SYN3: variants seen among roughly 807,000 people sequenced by gnomAD.
SYN3 encodes the protein synapsin-3.
SYN3 carries 35 observed loss-of-function variants against 65.8 expected under a neutral mutation model. That is an observed-to-expected ratio of 0.53 (90% confidence interval 0.41 to 0.70). The LOEUF (loss-of-function observed/expected upper bound fraction) is 0.70, where lower values mean the gene tolerates loss of function less well. Among genes scored for constraint, SYN3 ranks in the 30% least tolerant of loss-of-function variants. The pLI is 0.00. For synonymous variants in SYN3, 270 were observed against 292.9 expected (o/e 0.92, Z 0.80); for missense variants, 680 against 749.0 (o/e 0.91, Z 1.08).
intron 6 of SYN3, among the ~76,000 whole-genome samples, chr22:32,624,547 C>A (rs1008234568): frequency 1.3e-5 from 2 of 152,256 alleles, no homozygotes; most frequent in African/African-American, 4.8e-5. Context: ...CCATCTAACA[C>A]CTGTAGGGAC....
At chr22:32,632,058 G>A (rs937837453) in intron 6 of SYN3, among the ~76,000 whole-genome samples, 1 of 152,222 alleles carries the variant, frequency 6.6e-6, no homozygotes, top group African/African-American at 2.4e-5. Flanking sequence ...GAAGATAGTG[G>A]CTGCCCTAGA....
At chr22:33,035,420 T>C (rs2053841838) in intron 1 of SYN3, among the ~76,000 whole-genome samples, 2 of 127,576 alleles carry the variant, frequency 1.6e-5, no homozygotes, top group Non-Finnish European at 3.1e-5. Context: ...TCCAAATGAA[T>C]AGCTGTTACA....
At chr22:32,595,366 T>C (rs990681441) in intron 7 of SYN3, among the ~76,000 whole-genome samples, 1 of 152,160 alleles carries the variant, frequency 6.6e-6, no homozygotes, top group African/African-American at 2.4e-5. Context: ...TCTATTTCAT[T>C]TGAACTCCTG....
intron 6 of SYN3, among the ~76,000 whole-genome samples, chr22:32,782,953 G>C (rs1223322737): frequency 6.6e-6 from 1 of 152,228 alleles, no homozygotes; most frequent in African/African-American, 2.4e-5. Context: ...TCTCTATTGA[G>C]AGGAGTTAGT....
At chr22:32,712,134 CTGCCTT>C (rs1253125867) in intron 6 of SYN3, among the ~76,000 whole-genome samples, 1 of 152,184 alleles carries the variant, frequency 6.6e-6, no homozygotes, top group African/African-American at 2.4e-5. Context: ...TCAATTGAGG[CTGCCTT>C]TGTCCTTGGT....
intron 1 of SYN3, among the ~76,000 whole-genome samples, chr22:33,025,074 T>A (rs573887117): frequency 2.0e-5 from 3 of 152,262 alleles, no homozygotes; most frequent in Non-Finnish European, 4.4e-5. Flanking sequence ...GCACAGTGGC[T>A]CATGCCTGTA....
chr22:33,041,045 G>C (rs989714870), intron 1 of SYN3, among the ~76,000 whole-genome samples: 10 of 151,682 alleles, frequency 6.6e-5, no homozygotes, highest in African/African-American at 2.4e-4. Context: ...CTCCCGAGTA[G>C]CTGGGATTAC....
chr22:32,686,360 T>C (rs2060588371), intron 6 of SYN3, among the ~76,000 whole-genome samples: 1 of 151,056 alleles, frequency 6.6e-6, no homozygotes, highest in African/African-American at 2.4e-5. Flanking sequence ...GGATCTGACG[T>C]AGACTGAGTG....
chr22:32,901,174 C>T (rs1192327150), intron 4 of SYN3, among the ~76,000 whole-genome samples: 1 of 152,210 alleles, frequency 6.6e-6, no homozygotes, highest in Non-Finnish European at 1.5e-5. Flanking sequence ...AGTACTTGAA[C>T]ATTGACTAAT....
chr22:32,655,533 G>A (rs559477497), intron 6 of SYN3, among the ~76,000 whole-genome samples: 7 of 152,170 alleles, frequency 4.6e-5, no homozygotes, highest in East Asian at 1.9e-4. Context: ...CCCATTGCTC[G>A]TATTACCGCC....
At chr22:32,843,127 C>T (rs187465723) in intron 6 of SYN3, among the ~76,000 whole-genome samples, 84 of 152,214 alleles carry the variant, frequency 5.5e-4, no homozygotes, top group African/African-American at 1.8e-3. Context: ...TACAGGCTAC[C>T]TGATCCTCAT....
chr22:32,886,545 T>C (rs1464657718), intron 4 of SYN3, among the ~76,000 whole-genome samples: 2 of 152,226 alleles, frequency 1.3e-5, no homozygotes, highest in African/African-American at 4.8e-5. Context: ...AAAGGCATGA[T>C]TTGCATAAAA....
chr22:32,735,695 C>T (rs552298238), intron 6 of SYN3, among the ~76,000 whole-genome samples: 2 of 152,306 alleles, frequency 1.3e-5, no homozygotes, highest in South Asian at 2.1e-4. Flanking sequence ...CACGCTGACT[C>T]CTGAAACACG....
At chr22:32,881,414 G>A (rs1309305548) in intron 4 of SYN3, among the ~76,000 whole-genome samples, 5 of 152,204 alleles carry the variant, frequency 3.3e-5, no homozygotes, top group Non-Finnish European at 7.3e-5. Context: ...TATTGAACTA[G>A]TCAGAGGGCT....
At chr22:32,565,125 A>ACTGCACCCAAACAGTGCTCCTGGG (rs2058654062) in intron 7 of SYN3, among the ~76,000 whole-genome samples, 1 of 151,264 alleles carries the variant, frequency 6.6e-6, no homozygotes, top group African/African-American at 2.4e-5. Flanking sequence ...GTGCTCCCGG[A>ACTGCACCCAAACAGTGCTCCTGGG]CTGCACCCAA....
intron 4 of SYN3, among the ~76,000 whole-genome samples, chr22:32,923,163 T>C (rs564352551): frequency 6.6e-6 from 1 of 152,238 alleles, no homozygotes; most frequent in East Asian, 1.9e-4. Flanking sequence ...GGCTGGAGTC[T>C]TGAGAATTGG....
At chr22:32,667,188 C>T (rs2147042950) in intron 6 of SYN3, among the ~76,000 whole-genome samples, 1 of 152,006 alleles carries the variant, frequency 6.6e-6, no homozygotes, top group Admixed American at 6.6e-5. Context: ...CCTTCTCCCT[C>T]ACTCGCTCAC....
At chr22:32,810,982 G>A (rs1033291726) in intron 6 of SYN3, among the ~76,000 whole-genome samples, 7 of 152,286 alleles carry the variant, frequency 4.6e-5, no homozygotes, top group African/African-American at 1.7e-4. Context: ...AAAATGGGGG[G>A]AAATATATTA....
At chr22:33,005,982 C>A (rs998900652) in intron 2 of SYN3, among the ~76,000 whole-genome samples, 1 of 152,202 alleles carries the variant, frequency 6.6e-6, no homozygotes, top group African/African-American at 2.4e-5. Context: ...CATTCAGATG[C>A]TTGCAGCAAA....
Sources: allele counts gnomAD v4.1 joint callset (sites outside exome capture counted in the v4.1 genomes callset), GRCh38; gene constraint gnomAD v4.1.1; transcripts MANE v1.5; gene names NCBI Gene and HGNC (gene_info 2026-07-23, HGNC 2026-07-21).